RYR2: variants seen among roughly 807,000 people sequenced by gnomAD.
RYR2 encodes cardiac muscle ryanodine receptor-calcium release channel.
A neutral mutation model predicts 601.1 loss-of-function variants in RYR2; 227 were observed. The observed-to-expected ratio is 0.38, with a 90% confidence interval of 0.34 to 0.42. RYR2 has a LOEUF of 0.42. RYR2 is among the 10% of genes least tolerant of loss of function. The probability of loss-of-function intolerance (pLI) is 1.00; values close to 1 mark genes in which losing one functional copy is unlikely to be tolerated. For missense variants in RYR2, 4,646 were observed against 6,156.5 expected (o/e 0.75, Z 8.21); for synonymous variants, 2,223 against 2,175.1 (o/e 1.02, Z -0.61).
intron 19 of RYR2, among the ~76,000 whole-genome samples, chr1:237,494,934 GTGCA>G (rs1663878663): frequency 2.0e-5 from 3 of 151,804 alleles, no homozygotes; most frequent in Non-Finnish European, 4.4e-5. Flanking sequence ...GGGATTACAG[GTGCA>G]CACCACCACA....
chr1:237,100,870 C>G (rs1056875460), intron 1 of RYR2, among the ~76,000 whole-genome samples: 3 of 152,048 alleles, frequency 2.0e-5, no homozygotes, highest in African/African-American at 7.2e-5. Flanking sequence ...GCATGGGGCC[C>G]CCTTCTGCCC....
chr1:237,663,941 A>G (rs1270665744), intron 56 of RYR2, among the ~76,000 whole-genome samples: 1 of 152,208 alleles, frequency 6.6e-6, no homozygotes, highest in Non-Finnish European at 1.5e-5. Flanking sequence ...GGCTGATCAA[A>G]GTTACAAGAA....
intron 1 of RYR2, among the ~76,000 whole-genome samples, chr1:237,156,513 G>A (rs538334295): frequency 1.4e-4 from 22 of 152,218 alleles, no homozygotes; most frequent in African/African-American, 5.3e-4. Flanking sequence ...TTAAGAAAAT[G>A]CACAACTACC....
chr1:237,565,185 TTCTTTCTTTC>T (rs1671906455), intron 27 of RYR2, among the ~76,000 whole-genome samples: 2 of 79,776 alleles, frequency 2.5e-5, no homozygotes, highest in Non-Finnish European at 5.8e-5. Flanking sequence ...CTTTCTTTCT[TTCTTTCTTTC>T]TTTCTTTCTT....
At chr1:237,214,845 C>A (rs1445697162) in intron 1 of RYR2, among the ~76,000 whole-genome samples, 3 of 152,064 alleles carry the variant, frequency 2.0e-5, no homozygotes, top group African/African-American at 7.2e-5. Flanking sequence ...AATATATTTG[C>A]AAAATTGATG....
At chr1:237,616,132 G>A (rs2148606409) in intron 37 of RYR2, among the ~76,000 whole-genome samples, 1 of 152,282 alleles carries the variant, frequency 6.6e-6, no homozygotes, top group South Asian at 2.1e-4. Flanking sequence ...TGGGGCAAAG[G>A]AGATGGAGAA....
chr1:237,070,169 T>C (rs978766443), intron 1 of RYR2, among the ~76,000 whole-genome samples: 1 of 151,906 alleles, frequency 6.6e-6, no homozygotes, highest in African/African-American at 2.4e-5. Context: ...GTGCTGGGAC[T>C]ACAGGTGTGA....
intron 74 of RYR2, among the ~76,000 whole-genome samples, chr1:237,723,620 A>G (rs1342993802): frequency 1.3e-5 from 2 of 152,154 alleles, no homozygotes; most frequent in South Asian, 2.1e-4. Flanking sequence ...AATATTGCTC[A>G]TAAAAACATG....
chr1:237,123,299 G>T (rs1275083125), intron 1 of RYR2, among the ~76,000 whole-genome samples: 2 of 152,094 alleles, frequency 1.3e-5, no homozygotes, highest in Non-Finnish European at 2.9e-5. Context: ...TAAAAATACT[G>T]ATGAGAGCTG....
intron 3 of RYR2, among the ~76,000 whole-genome samples, chr1:237,337,955 G>A (rs1697411330): frequency 6.6e-6 from 1 of 152,176 alleles, no homozygotes; most frequent in Non-Finnish European, 1.5e-5. Flanking sequence ...AAATCAGGGT[G>A]TTGGCAGCAC....
At chr1:237,490,355 A>C (rs957897481) in intron 17 of RYR2, among the ~76,000 whole-genome samples, 1 of 152,208 alleles carries the variant, frequency 6.6e-6, no homozygotes, top group East Asian at 1.9e-4. Flanking sequence ...TATTTTTTAT[A>C]AAAAGGCAGC....
intron 1 of RYR2, among the ~76,000 whole-genome samples, chr1:237,052,772 A>G (rs1012352859): frequency 2.0e-5 from 3 of 152,258 alleles, no homozygotes; most frequent in Non-Finnish European, 2.9e-5. Flanking sequence ...GAAAAATGTA[A>G]CAGAAACATA....
intron 22 of RYR2, among the ~76,000 whole-genome samples, chr1:237,505,983 T>A (rs1406874084): frequency 6.6e-6 from 1 of 152,106 alleles, no homozygotes; most frequent in African/African-American, 2.4e-5. Context: ...AGTCAGACAT[T>A]TATACGCTCA....
chr1:237,669,650 G>A (rs1306596859), intron 58 of RYR2, among the ~76,000 whole-genome samples: 3 of 151,930 alleles, frequency 2.0e-5, no homozygotes, highest in Non-Finnish European at 2.9e-5. Flanking sequence ...CATCCCAGAC[G>A]GGGCGGCAGG....
chr1:237,114,823 A>G (rs1313474407), intron 1 of RYR2, among the ~76,000 whole-genome samples: 1 of 152,180 alleles, frequency 6.6e-6, no homozygotes, highest in East Asian at 1.9e-4. Context: ...CTTAATCTGT[A>G]CAATGGGATG....
intron 1 of RYR2, among the ~76,000 whole-genome samples, chr1:237,118,151 T>C (rs1188596753): frequency 2.0e-5 from 3 of 152,220 alleles, no homozygotes; most frequent in South Asian, 2.1e-4. Context: ...TGAAGGGATA[T>C]ATACATACAT....
At chr1:237,728,955 A>C (rs543413366) in intron 76 of RYR2, among the ~76,000 whole-genome samples, 34 of 148,440 alleles carry the variant, frequency 2.3e-4, no homozygotes, top group South Asian at 1.8e-3. Flanking sequence ...TAATGAAAGC[A>C]AAAAAAAAGA....
chr1:237,322,293 T>C (rs1340697160), intron 2 of RYR2, among the ~76,000 whole-genome samples: 4 of 152,162 alleles, frequency 2.6e-5, no homozygotes, highest in Non-Finnish European at 5.9e-5. Context: ...ACAACTTTAA[T>C]TGTGGAAGCC....
Position 237,456,617 on chromosome 1 carries a change from G to A in RYR2, c.1494G>A (p.Val498=). The A allele has an allele frequency of 1.3e-6, 2 of 1,559,136 alleles. No individual in the cohort carries two copies. The highest frequency in any genetic ancestry group is 1.4e-5 in the African/African-American group (1 of 73,038). ...CGTTCCAGGGAATGATCAACCTCGT[G>A]CTTGAGTGCATAGACCGTTTGCACG... ...LFQEEGMINL[V]LECIDRLHVY... Residue 498 remains valine (V), a synonymous_variant, in exon 16 of 105, where the codon GTG becomes GTA. Transcript: ENST00000366574.
Sources: gnomAD v4.1 joint callset for allele counts (sites outside exome capture counted in the v4.1 genomes callset) on GRCh38, gnomAD v4.1.1 for gene constraint, MANE v1.5 for transcripts, NCBI Gene and HGNC (gene_info 2026-07-23, HGNC 2026-07-21) for gene names.